SRGAP1: variants seen among roughly 807,000 people sequenced by gnomAD.
SRGAP1 encodes SLIT-ROBO Rho GTPase activating protein 1.
Under a neutral mutation model 121.9 loss-of-function variants are expected in SRGAP1, and 43 were observed. That is an observed-to-expected ratio of 0.35 (90% CI 0.28 to 0.46). The LOEUF is 0.46. SRGAP1 is among the 20% of genes least tolerant of loss of function. The pLI, the probability that SRGAP1 is intolerant of heterozygous loss-of-function variation, is 1.00. For synonymous variants in SRGAP1, 447 were observed against 485.4 expected (o/e 0.92, Z 1.04); for missense variants, 1,102 against 1,350.9 (o/e 0.82, Z 2.89).
At position 63,844,802 on chromosome 12, in the gene SRGAP1, C is replaced by T; in HGVS notation, c.-15C>T. 1.2e-6 allele frequency: 2 copies of T among 1,614,068 alleles called. No homozygotes were observed. The highest frequency in any genetic ancestry group is 2.2e-5 in the South Asian group (2 of 91,084). On this transcript the variant is annotated 5_prime_UTR_variant, in exon 1 of 22. Transcript: ENST00000355086. This position sits in a 1 kb window ranked among gnomAD's most constrained non-coding sequence, Gnocchi z 4.3. Reference sequence around the variant, plus strand: ...AAAACTTGCCCATTGAAAGCAAACCCGGAACAGCTGGATAATGTCCACCCC... The same window carrying T: ...AAAACTTGCCCATTGAAAGCAAACCTGGAACAGCTGGATAATGTCCACCCC...
At chr12:63,909,167 C>A (rs1435629813) in intron 1 of SRGAP1, among the ~76,000 whole-genome samples, 4 of 152,222 alleles carry the variant, frequency 2.6e-5, no homozygotes, top group African/African-American at 9.6e-5. Flanking sequence ...GGATTACAGG[C>A]ATGAGCCACC....
intron 6 of SRGAP1, among the ~76,000 whole-genome samples, chr12:64,056,413 C>T: frequency 6.6e-6 from 1 of 151,848 alleles, no homozygotes; most frequent in Non-Finnish European, 1.5e-5. Flanking sequence ...ATTAGCTGGG[C>T]ATGATACTAG....
intron 8 of SRGAP1, among the ~76,000 whole-genome samples, chr12:64,068,948 T>A (rs2035591302): frequency 6.6e-6 from 1 of 150,426 alleles, no homozygotes; most frequent in South Asian, 2.1e-4. Flanking sequence ...AGGCGGAGGT[T>A]GCAGTGAGCC....
intron 1 of SRGAP1, among the ~76,000 whole-genome samples, chr12:63,848,444 C>T (rs1162062902): frequency 6.6e-6 from 1 of 152,044 alleles, no homozygotes; most frequent in Non-Finnish European, 1.5e-5. Flanking sequence ...ATAGATGTAT[C>T]TAGTTGTGTG....
At position 64,128,198 on chromosome 12, in the gene SRGAP1, C is replaced by T; in HGVS notation, c.2878C>T (p.Gln960Ter). The change falls in exon 21 of 22, where the codon CAG (glutamine) becomes TAG (stop). Residue 960 changes from glutamine (Q) to a stop codon, truncating the protein, a stop_gained and splice_region_variant. Coordinates refer to ENST00000355086, the MANE Select transcript of SRGAP1 (RefSeq NM_020762.4). LOFTEE classifies it high-confidence loss of function. ...GCCACTGGACCCAGAGACAATTGCTCAGGTACGATGCTTTTAATTACATAT... is the reference window on the plus strand; with the variant it reads ...GCCACTGGACCCAGAGACAATTGCTTAGGTACGATGCTTTTAATTACATAT... ...HKPLDPETIA[Q>*]DIEETMNTAL... 1 of 1,605,220 alleles carries T rather than the reference C, an allele frequency of 6.2e-7. No individual in the cohort carries two copies. Among genetic ancestry groups the T allele is most frequent in the Non-Finnish European group, 8.5e-7 (1 of 1,172,876 alleles).
At chr12:64,098,360 T>TAA (rs74262000) in intron 15 of SRGAP1, among the ~76,000 whole-genome samples, 1,781 of 136,972 alleles carry the variant, frequency 0.013, 35 homozygotes, top group African/African-American at 0.044. Context: ...CAGCTAGAGT[T>TAA]AAAAAAAAAA....
At chr12:63,886,390 T>G (rs1282857088) in intron 1 of SRGAP1, among the ~76,000 whole-genome samples, 1 of 149,282 alleles carries the variant, frequency 6.7e-6, no homozygotes, top group Non-Finnish European at 1.5e-5. Context: ...ATTCTCTTTA[T>G]TAGTCTAAAA....
chr12:63,861,947 C>T (rs913782407), intron 1 of SRGAP1, among the ~76,000 whole-genome samples: 1 of 152,048 alleles, frequency 6.6e-6, no homozygotes, highest in African/African-American at 2.4e-5. Flanking sequence ...CATGGTAAAC[C>T]CCGTCTCTGC....
At chr12:63,929,676 C>T (rs536541358) in intron 1 of SRGAP1, among the ~76,000 whole-genome samples, 4 of 151,440 alleles carry the variant, frequency 2.6e-5, no homozygotes, top group Non-Finnish European at 2.9e-5. Context: ...GTGTAACAGG[C>T]GAACTGTATT....
chr12:64,136,804 G>C (rs1053149030), intron 21 of SRGAP1, among the ~76,000 whole-genome samples: 5 of 152,162 alleles, frequency 3.3e-5, no homozygotes, highest in Non-Finnish European at 7.3e-5. Flanking sequence ...TTTTACTATA[G>C]CTGAATTTAA....
At chr12:64,117,040 TG>T (rs1229589861) in intron 18 of SRGAP1, among the ~76,000 whole-genome samples, 1 of 152,146 alleles carries the variant, frequency 6.6e-6, no homozygotes, top group Non-Finnish European at 1.5e-5. Context: ...TACCTGGCCC[TG>T]GGGTGCCGAG....
intron 4 of SRGAP1, among the ~76,000 whole-genome samples, chr12:64,035,067 GA>G (rs1437356707): frequency 2.7e-5 from 4 of 150,640 alleles, no homozygotes; most frequent in Non-Finnish European, 3.0e-5. Flanking sequence ...AAAAAGAAAA[GA>G]AAAAAAACTT....
intron 1 of SRGAP1, among the ~76,000 whole-genome samples, chr12:63,845,598 T>C (rs537636486): frequency 4.9e-4 from 75 of 152,020 alleles, no homozygotes; most frequent in African/African-American, 1.8e-3. Flanking sequence ...TCCATTTACA[T>C]TGTCAACTAA....
rs545977139 is a variant in SRGAP1 at position 63,851,459 on chromosome 12, C to A, written c.67+6576C>A. ...TAAAAAATAAATAAATAATAAAAAA[C>A]CAGGAACTTCGGTGTTAGCAGTCTA... On this transcript the variant is annotated intron_variant, in intron 1 of 21. Coordinates refer to ENST00000355086, the MANE Select transcript of SRGAP1 (RefSeq NM_020762.4). Among the ~76,000 whole-genome samples, 8 of 151,732 alleles carry A rather than the reference C, an allele frequency of 5.3e-5. No homozygotes were observed. In the South Asian group the frequency reaches 1.7e-3, roughly 32 times the overall value.
At chr12:64,000,291 G>A (rs2033847237) in intron 3 of SRGAP1, among the ~76,000 whole-genome samples, 1 of 141,776 alleles carries the variant, frequency 7.1e-6, no homozygotes, top group Non-Finnish European at 1.5e-5. Context: ...AAAAAAACCA[G>A]GATGTTAGGA....
intron 1 of SRGAP1, among the ~76,000 whole-genome samples, chr12:63,892,169 T>C (rs1211521025): frequency 2.0e-5 from 3 of 152,182 alleles, no homozygotes; most frequent in African/African-American, 7.2e-5. Context: ...AAGTTTTTAA[T>C]GAAAAGCAAC....
intron 21 of SRGAP1, among the ~76,000 whole-genome samples, chr12:64,133,775 T>C (rs546076585): frequency 4.3e-4 from 66 of 152,294 alleles, no homozygotes; most frequent in African/African-American, 1.5e-3. Flanking sequence ...AATTAGTCTT[T>C]TGTCCATCCA....
At chr12:64,038,878 A>G (rs2034952752) in intron 4 of SRGAP1, 1 of 152,226 alleles carries the variant, frequency 6.6e-6, no homozygotes, top group South Asian at 2.1e-4. Flanking sequence ...TATGCCTGTC[A>G]GGTCATTTGG....
intron 1 of SRGAP1, among the ~76,000 whole-genome samples, chr12:63,973,953 A>G (rs1296860569): frequency 6.6e-6 from 1 of 152,234 alleles, no homozygotes; most frequent in African/African-American, 2.4e-5. Flanking sequence ...TCAGGAACAC[A>G]GTCATTCCAA....
Sources: gnomAD v4.1 joint callset for allele counts (sites outside exome capture counted in the v4.1 genomes callset) on GRCh38, gnomAD v4.1.1 for gene constraint, Gnocchi (gnomAD v3.1) non-coding constraint, MANE v1.5 for transcripts, NCBI Gene and HGNC (gene_info 2026-07-23, HGNC 2026-07-21) for gene names.